The following ARHGEF33 variants were observed in gnomAD, a reference collection of about 807,000 sequenced individuals.
ARHGEF33 encodes DH and coiled-coil domain-containing protein ENSP00000381780.
Under a neutral mutation model 101.9 loss-of-function variants are expected in ARHGEF33, and 72 were observed. That is an observed-to-expected ratio of 0.71 (90% confidence interval 0.58 to 0.86). The LOEUF is 0.86. Ranked by LOEUF, ARHGEF33 falls within the 40% of genes least tolerant of loss-of-function variation. The pLI is 0.00. For missense variants in ARHGEF33, 1,169 were observed against 1,111.3 expected (o/e 1.05, Z -0.74); for synonymous variants, 499 against 442.5 (o/e 1.13, Z -1.60).
intron 7 of ARHGEF33, among the ~76,000 whole-genome samples, chr2:38,933,741 G>C (rs992302700): frequency 2.6e-5 from 4 of 152,118 alleles, no homozygotes; most frequent in African/African-American, 9.7e-5. Context: ...CTATTCATTA[G>C]AGACTAATCA....
intron 8 of ARHGEF33, 98 bp from the exon 9 acceptor site, chr2:38,937,237 G>A (rs528151389): frequency 5.0e-5 from 32 of 643,132 alleles, no homozygotes; most frequent in African/African-American, 3.8e-4. Flanking sequence ...TTCGTGATCC[G>A]CCTGCCTCGG....
chr2:38,915,250 A>G (rs1209226647), intron 2 of ARHGEF33, among the ~76,000 whole-genome samples: 1 of 152,196 alleles, frequency 6.6e-6, no homozygotes, highest in Non-Finnish European at 1.5e-5. Flanking sequence ...TAATTATGTA[A>G]AACATTCCAG....
intron 4 of ARHGEF33, among the ~76,000 whole-genome samples, chr2:38,926,149 C>T (rs1666863823): frequency 6.6e-6 from 1 of 152,190 alleles, no homozygotes; most frequent in East Asian, 1.9e-4. Flanking sequence ...TTCCCTGAAC[C>T]TACCTCCAGT....
intron 9 of ARHGEF33, among the ~76,000 whole-genome samples, chr2:38,939,279 TGAATA>T (rs1341007551): frequency 2.0e-5 from 3 of 152,224 alleles, no homozygotes; most frequent in African/African-American, 7.2e-5. Flanking sequence ...TAGCTAGCTA[TGAATA>T]TTCTTGTACA....
chr2:38,912,370 A>G (rs1006762443), intron 2 of ARHGEF33, among the ~76,000 whole-genome samples: 8 of 152,234 alleles, frequency 5.3e-5, no homozygotes, highest in Non-Finnish European at 1.2e-4. Context: ...GCAGACTACA[A>G]GTGAGATCTC....
chr2:38,972,301 C>T (rs991928753), intron 17 of ARHGEF33, among the ~76,000 whole-genome samples: 1 of 152,064 alleles, frequency 6.6e-6, no homozygotes, highest in South Asian at 2.1e-4. Context: ...AGAGAAGGCC[C>T]GGAGTTTTAG....
At chr2:38,952,211 C>G (rs533638238) in intron 11 of ARHGEF33, among the ~76,000 whole-genome samples, 1 of 152,200 alleles carries the variant, frequency 6.6e-6, no homozygotes. Flanking sequence ...ATCAATTATT[C>G]TCAACTGTGG....
chr2:38,932,286 G>C (rs1311195579), intron 7 of ARHGEF33, among the ~76,000 whole-genome samples: 2 of 151,988 alleles, frequency 1.3e-5, no homozygotes, highest in African/African-American at 2.4e-5. Flanking sequence ...CACCATGCAC[G>C]GCTAATTTTT....
chr2:38,966,840 A>G (rs1668062453), intron 17 of ARHGEF33, among the ~76,000 whole-genome samples: 1 of 152,178 alleles, frequency 6.6e-6, no homozygotes, highest in South Asian at 2.1e-4. Flanking sequence ...ATAAAATGTA[A>G]GGAAGAGAGA....
intron 4 of ARHGEF33, among the ~76,000 whole-genome samples, chr2:38,927,689 C>G (rs1327136072): frequency 1.3e-5 from 2 of 152,198 alleles, no homozygotes; most frequent in Non-Finnish European, 2.9e-5. Context: ...GAGCAAGACC[C>G]TGTCTCAAAA....
intron 16 of ARHGEF33, among the ~76,000 whole-genome samples, chr2:38,964,730 TG>T (rs1311936589): frequency 6.6e-6 from 1 of 152,080 alleles, no homozygotes; most frequent in African/African-American, 2.4e-5. Flanking sequence ...CACCTTCTGC[TG>T]TGTGGCCCAG....
intron 10 of ARHGEF33, among the ~76,000 whole-genome samples, chr2:38,950,030 C>G (rs1422257239): frequency 6.6e-6 from 1 of 152,168 alleles, no homozygotes. Flanking sequence ...CTCACCAAGC[C>G]CACTTCCAAC....
chr2:38,893,277 C>T (rs900961321), intron 1 of ARHGEF33, among the ~76,000 whole-genome samples: 1 of 152,008 alleles, frequency 6.6e-6, no homozygotes, highest in Non-Finnish European at 1.5e-5. Flanking sequence ...ATTCTCCTGC[C>T]TCAGCCTCCT....
chr2:38,891,237 T>A (rs936622845), intron 1 of ARHGEF33, among the ~76,000 whole-genome samples: 1 of 152,140 alleles, frequency 6.6e-6, no homozygotes, highest in African/African-American at 2.4e-5. Context: ...CTCGGCCTTA[T>A]TGTTAACTTT....
chr2:38,891,548 T>C (rs1278570308), intron 1 of ARHGEF33, among the ~76,000 whole-genome samples: 1 of 152,172 alleles, frequency 6.6e-6, no homozygotes. Flanking sequence ...TTCAGAAGAT[T>C]TACAGGTGAC....
intron 4 of ARHGEF33, among the ~76,000 whole-genome samples, chr2:38,924,452 C>G (rs1175112584): frequency 1.3e-5 from 2 of 152,068 alleles, no homozygotes; most frequent in Non-Finnish European, 2.9e-5. Context: ...ATTATGATCC[C>G]ATTAACATGA....
chr2:38,948,562 AG>A (rs1310807650), intron 10 of ARHGEF33, among the ~76,000 whole-genome samples: 2 of 149,142 alleles, frequency 1.3e-5, no homozygotes, highest in East Asian at 4.2e-4. Context: ...GAGGGAGGGA[AG>A]GAGGGAGAGA....
intron 2 of ARHGEF33, among the ~76,000 whole-genome samples, chr2:38,918,525 C>G (rs1666684704): frequency 6.6e-6 from 1 of 152,086 alleles, no homozygotes; most frequent in Non-Finnish European, 1.5e-5. Flanking sequence ...AAAAAGAGGG[C>G]CAGTATCCAC....
intron 1 of ARHGEF33, among the ~76,000 whole-genome samples, chr2:38,891,956 G>A (rs950202755): frequency 6.6e-6 from 1 of 152,102 alleles, no homozygotes; most frequent in African/African-American, 2.4e-5. Context: ...ATATTACAGA[G>A]AGCACTCTTC....
Sources: allele counts gnomAD v4.1 joint callset (sites outside exome capture counted in the v4.1 genomes callset), GRCh38; gene constraint gnomAD v4.1.1; transcripts MANE v1.5; gene names NCBI Gene and HGNC (gene_info 2026-07-23, HGNC 2026-07-21).